Variants in ACP1 observed in about 807,000 individuals in gnomAD.
ACP1 encodes low molecular weight phosphotyrosine protein phosphatase.
In ACP1, 23 loss-of-function variants were observed where a neutral mutation model predicts 23.4. That is an observed-to-expected ratio of 0.98 (90% CI 0.71 to 1.39). ACP1 has a LOEUF of 1.39. Among genes scored for constraint, ACP1 ranks in the 40% most tolerant of loss-of-function variants. The probability of loss-of-function intolerance (pLI) is 0.00; values close to 1 mark genes in which losing one functional copy is unlikely to be tolerated. For missense variants in ACP1, 180 were observed against 197.7 expected (o/e 0.91, Z 0.54); for synonymous variants, 72 against 67.2 (o/e 1.07, Z -0.35).
intron 3 of ACP1, 85 bp from the exon 4 acceptor site, chr2:275,055 G>GTTTT: frequency 1.9e-6 from 1 of 526,930 alleles, no homozygotes; most frequent in Non-Finnish European, 3.2e-6. Flanking sequence ...AAATACAGCA[G>GTTTT]TTTTTTTTTT....
chr2:266,229 T>C (rs1050846862), intron 1 of ACP1: 2 of 152,230 alleles, frequency 1.3e-5, no homozygotes, highest in Admixed American at 6.5e-5. Context: ...TAGGACAATA[T>C]ATGATAAACG....
intron 3 of ACP1, among the ~76,000 whole-genome samples, chr2:273,837 C>G (rs959214879): frequency 1.3e-5 from 2 of 151,970 alleles, no homozygotes; most frequent in Non-Finnish European, 2.9e-5. Context: ...GTATTAAATC[C>G]TAGGGAATTT....
In ACP1 at chr2:277,016, C is replaced by T; in HGVS notation, c.330C>T (p.Cys110=). Residue 110 remains cysteine (C), a synonymous_variant, in exon 5 of 6, where the codon TGC becomes TGT. Coordinates refer to ENST00000272065, the MANE Select transcript of ACP1 (RefSeq NM_004300.4). ...LNRKSNQVKT[C]KAKIELLGSY... is the part of the protein sequence containing the mutation. ...GAAAAAGTAATCAAGTTAAAACCTGCAAAGCTAAAATTGAACTACTTGGGA... is the reference window on the plus strand; with the variant it reads ...GAAAAAGTAATCAAGTTAAAACCTGTAAAGCTAAAATTGAACTACTTGGGA... 1 of 1,611,004 alleles carries T rather than the reference C, an allele frequency of 6.2e-7. No individual in the cohort carries two copies. The highest frequency in any genetic ancestry group is 1.1e-5 in the South Asian group (1 of 90,456).
intron 4 of ACP1, among the ~76,000 whole-genome samples, chr2:276,366 G>A (rs764312152): frequency 6.6e-6 from 1 of 152,130 alleles, no homozygotes; most frequent in Non-Finnish European, 1.5e-5. Context: ...TGGCTGTTCC[G>A]TTCCCACATA....
In ACP1 at chr2:278,114, A is replaced by G. The variant is rs1471461631; in HGVS notation, c.*810A>G. 2 of 152,206 alleles carry G rather than the reference A, an allele frequency of 1.3e-5. No individual in the cohort carries two copies. Among genetic ancestry groups the G allele is most frequent in the Admixed American group, 1.3e-4 (2 of 15,278 alleles). The allele number at this position is 152,206 out of a possible 1,614,324, so 9.4% of individuals were successfully genotyped here. On this transcript the variant is annotated 3_prime_UTR_variant, in exon 6 of 6. Transcript: ENST00000272065. Reference sequence around the variant, plus strand: ...TTTTAAAATAATTTTAAAAGTTGGGAAAAGTGTTATTATTTGGCATGCTTA... The same window carrying G: ...TTTTAAAATAATTTTAAAAGTTGGGGAAAGTGTTATTATTTGGCATGCTTA...
rs770458155 is a variant in ACP1 at position 275,182 on chromosome 2, A to G, written c.274A>G (p.Met92Val). 4.5e-6 allele frequency: 7 copies of G among 1,543,426 alleles called. No individual in the cohort carries two copies. The highest frequency in any genetic ancestry group is 1.7e-5 in the Admixed American group (1 of 58,920). ...DFATFDYILC[M>V]DESNLRDLNR... Reference sequence around the variant, plus strand: ...TGCCACATTTGATTATATACTATGTATGGATGAAAGCAATCTGAGGTAATC... The same window carrying G: ...TGCCACATTTGATTATATACTATGTGTGGATGAAAGCAATCTGAGGTAATC... The change falls in exon 4 of 6, where the codon ATG becomes GTG. Residue 92 changes from methionine to valine, a missense_variant. By Grantham distance (21) the Met-to-Val change is conservative. Around this residue, in one of 3 missense-constraint regions of ACP1, gnomAD observed 132 missense variants for 124.1 expected, o/e 1.06. Coordinates refer to ENST00000272065, the MANE Select transcript of ACP1 (RefSeq NM_004300.4).
At chr2:272,530 TGA>T (rs1670074555) in intron 3 of ACP1, 2 of 1,364,046 alleles carry the variant, frequency 1.5e-6, no homozygotes, top group Non-Finnish European at 1.9e-6. Context: ...TAATTTATAA[TGA>T]GAGAGCCTGA....
chr2:267,987 A>G (rs1355763546), intron 1 of ACP1, among the ~76,000 whole-genome samples: 1 of 152,206 alleles, frequency 6.6e-6, no homozygotes, highest in Non-Finnish European at 1.5e-5. Context: ...TCAACAATGT[A>G]AAAATTATTC....
intron 4 of ACP1, among the ~76,000 whole-genome samples, chr2:276,301 A>G (rs1161909698): frequency 6.6e-6 from 1 of 152,196 alleles, no homozygotes; most frequent in African/African-American, 2.4e-5. Context: ...GCCTGCCTGC[A>G]GTTCTCATTC....
chr2:267,769 C>T (rs1669929048), intron 1 of ACP1, among the ~76,000 whole-genome samples: 1 of 152,196 alleles, frequency 6.6e-6, no homozygotes, highest in African/African-American at 2.4e-5. Context: ...CAGGAGTCTG[C>T]AAACTCTTTG....
intron 4 of ACP1, 126 bp from the exon 5 acceptor site, chr2:276,854 G>T (rs1250434302): frequency 1.2e-5 from 8 of 641,276 alleles, no homozygotes; most frequent in Middle Eastern, 4.4e-4. Flanking sequence ...TGAGTGTTCC[G>T]TTTCATTTCA....
At chr2:268,941 GA>G (rs1669962428) in intron 1 of ACP1, among the ~76,000 whole-genome samples, 1 of 152,204 alleles carries the variant, frequency 6.6e-6, no homozygotes, top group Non-Finnish European at 1.5e-5. Context: ...TTGTTGTGGG[GA>G]AAGTAAGCTG....
intron 4 of ACP1, among the ~76,000 whole-genome samples, chr2:276,075 C>CT: frequency 6.6e-6 from 1 of 152,260 alleles, no homozygotes; most frequent in East Asian, 1.9e-4. Flanking sequence ...ACCCCATTTG[C>CT]TTTGACTGGC....
Position 277,281 on chromosome 2 carries a change from G to A in ACP1, c.454G>A (p.Ala152Thr), listed in dbSNP as rs564638147. The A allele has an allele frequency of 2.5e-6, 4 of 1,613,050 alleles. No individual in the cohort carries two copies. In the Admixed American group the frequency reaches 5.0e-5, roughly 20 times the overall value. The change falls in exon 6 of 6, where the codon GCG becomes ACG. Residue 152 changes from alanine to threonine, a missense_variant. By Grantham distance (58) the Ala-to-Thr change is moderately conservative (BLOSUM62 0). This residue lies in a region of ACP1 where 35 missense variants were observed against 40.5 expected (regional missense o/e 0.86). Coordinates refer to ENST00000272065, the MANE Select transcript of ACP1 (RefSeq NM_004300.4). The part of the protein sequence containing the change: ...VYQQCVRCCR[A>T]FLEKAH Reference sequence around the variant, plus strand: ...CCAGCAGTGTGTCAGGTGCTGCAGAGCGTTCTTGGAGAAGGCCCACTGAGG... The same window carrying A: ...CCAGCAGTGTGTCAGGTGCTGCAGAACGTTCTTGGAGAAGGCCCACTGAGG...
At chr2:268,106 A>G (rs1185225765) in intron 1 of ACP1, among the ~76,000 whole-genome samples, 2 of 152,232 alleles carry the variant, frequency 1.3e-5, no homozygotes, top group Admixed American at 6.5e-5. Context: ...CTTACTCTGA[A>G]TAAACATTGG....
chr2:266,617 T>A (rs962832279), intron 1 of ACP1, among the ~76,000 whole-genome samples: 2 of 152,204 alleles, frequency 1.3e-5, no homozygotes, highest in African/African-American at 4.8e-5. Context: ...GTCTGCTCGT[T>A]TCTTACACCC....
intron 1 of ACP1, 80 bp downstream of exon 1, chr2:265,087 CG>C (rs1669815228): frequency 1.3e-6 from 2 of 1,572,068 alleles, no homozygotes; most frequent in Non-Finnish European, 1.7e-6. Flanking sequence ...GTTGTGCCGC[CG>C]GCCTAGGAAC....
chr2:277,175 A>T, intron 5 of ACP1, 52 bp from the exon 6 acceptor site: 1 of 1,598,304 alleles, frequency 6.3e-7, no homozygotes. Context: ...TGTGTTAAGG[A>T]TGTTTTTGTT....
intron 3 of ACP1, among the ~76,000 whole-genome samples, chr2:273,512 C>CA (rs1670098093): frequency 6.6e-6 from 1 of 152,176 alleles, no homozygotes; most frequent in Non-Finnish European, 1.5e-5. Flanking sequence ...CAGCCAGACT[C>CA]ACTCATTCAC....
Sources: allele counts gnomAD v4.1 joint callset (sites outside exome capture counted in the v4.1 genomes callset), GRCh38; gene constraint gnomAD v4.1.1; regional missense constraint gnomAD v4.1.1; transcripts MANE v1.5; gene names NCBI Gene and HGNC (gene_info 2026-07-23, HGNC 2026-07-21).